Variants in GULP1 observed in about 807,000 individuals in gnomAD.
The protein encoded by GULP1 is PTB domain-containing engulfment adapter protein 1.
GULP1 carries 19 observed loss-of-function variants against 40.9 expected under a neutral mutation model. That is an observed-to-expected ratio of 0.46 (90% confidence interval 0.32 to 0.68). The LOEUF (loss-of-function observed/expected upper bound fraction) is 0.68, where lower values mean the gene tolerates loss of function less well. Among genes scored for constraint, GULP1 ranks in the 30% least tolerant of loss-of-function variants. The probability of loss-of-function intolerance (pLI) is 0.03; values close to 1 mark genes in which losing one functional copy is unlikely to be tolerated. For missense variants in GULP1, 312 were observed against 362.2 expected, an observed-to-expected ratio of 0.86 and a Z score of 1.12; for synonymous variants, 119 against 117.6, an observed-to-expected ratio of 1.01 and a Z score of -0.08.
At chr2:188,525,333 G>T (rs973724508) in intron 5 of GULP1, among the ~76,000 whole-genome samples, 10 of 152,086 alleles carry the variant, frequency 6.6e-5, no homozygotes, top group Admixed American at 1.3e-4. Context: ...AGGGGTTGCA[G>T]TGAGCCGCGA....
At chr2:188,515,186 G>C (rs1481936330) in intron 4 of GULP1, among the ~76,000 whole-genome samples, 2 of 151,854 alleles carry the variant, frequency 1.3e-5, no homozygotes, top group Non-Finnish European at 2.9e-5. Context: ...GTGACATCTT[G>C]TAATTTTATT....
chr2:188,482,973 A>G (rs536065329), intron 3 of GULP1, among the ~76,000 whole-genome samples: 1 of 151,952 alleles, frequency 6.6e-6, no homozygotes, highest in South Asian at 2.1e-4. Flanking sequence ...TAATATGATA[A>G]TTTCCCTTTA....
intron 4 of GULP1, among the ~76,000 whole-genome samples, chr2:188,520,500 A>T (rs1379346774): frequency 1.3e-5 from 2 of 150,514 alleles, no homozygotes; most frequent in Admixed American, 6.6e-5. Flanking sequence ...ACTGCACTCC[A>T]GCCTGGAAAC....
chr2:188,297,874 G>A (rs773436608), intron 1 of GULP1, among the ~76,000 whole-genome samples: 1 of 152,028 alleles, frequency 6.6e-6, no homozygotes, highest in Admixed American at 6.5e-5. Flanking sequence ...GCAAATTTGG[G>A]ATAAAAAATT....
intron 2 of GULP1, among the ~76,000 whole-genome samples, chr2:188,464,093 A>G (rs542299021): frequency 1.3e-5 from 2 of 152,202 alleles, no homozygotes; most frequent in East Asian, 3.9e-4. Context: ...GTGTCTGGCC[A>G]TTGAAGAGTT....
At chr2:188,311,126 T>C (rs1460118841) in intron 1 of GULP1, among the ~76,000 whole-genome samples, 1 of 152,198 alleles carries the variant, frequency 6.6e-6, no homozygotes, top group Admixed American at 6.5e-5. Flanking sequence ...TAAAGAATTA[T>C]GGGCCTCCAA....
At chr2:188,512,788 G>A (rs1356116525) in intron 4 of GULP1, among the ~76,000 whole-genome samples, 1 of 152,074 alleles carries the variant, frequency 6.6e-6, no homozygotes, top group Non-Finnish European at 1.5e-5. Flanking sequence ...ATAGAATACA[G>A]TGAAAGAATG....
At chr2:188,327,342 G>C (rs2040896868) in intron 1 of GULP1, among the ~76,000 whole-genome samples, 1 of 152,128 alleles carries the variant, frequency 6.6e-6, no homozygotes, top group African/African-American at 2.4e-5. Context: ...GATGGACAAG[G>C]CTCTGCTCTG....
intron 2 of GULP1, among the ~76,000 whole-genome samples, chr2:188,450,164 T>C (rs1023388582): frequency 6.6e-6 from 1 of 152,186 alleles, no homozygotes; most frequent in African/African-American, 2.4e-5. Flanking sequence ...TTTAGTGATC[T>C]TGTGCTATAT....
At chr2:188,465,288 G>C (rs1392710857) in intron 2 of GULP1, among the ~76,000 whole-genome samples, 1 of 152,042 alleles carries the variant, frequency 6.6e-6, no homozygotes, top group Admixed American at 6.6e-5. Flanking sequence ...GGTACATGGT[G>C]TTTCTAGAAA....
At chr2:188,386,976 G>T (rs1347378313) in intron 2 of GULP1, among the ~76,000 whole-genome samples, 1 of 152,108 alleles carries the variant, frequency 6.6e-6, no homozygotes, top group Non-Finnish European at 1.5e-5. Context: ...GGTGGCTCAT[G>T]CCTGTAATCC....
chr2:188,481,092 C>T (rs999568478), intron 3 of GULP1, among the ~76,000 whole-genome samples: 1 of 151,906 alleles, frequency 6.6e-6, no homozygotes, highest in Non-Finnish European at 1.5e-5. Flanking sequence ...AATCAGAGTA[C>T]ATTGATATTT....
chr2:188,431,530 AAAAGT>A (rs1267595578), intron 2 of GULP1, among the ~76,000 whole-genome samples: 1 of 152,200 alleles, frequency 6.6e-6, no homozygotes, highest in Non-Finnish European at 1.5e-5. Context: ...GAGTAATTGT[AAAAGT>A]AAAGAAATCT....
intron 1 of GULP1, among the ~76,000 whole-genome samples, chr2:188,298,689 C>T (rs968839512): frequency 1.3e-5 from 2 of 152,248 alleles, no homozygotes; most frequent in South Asian, 2.1e-4. Context: ...GGAAGAACTA[C>T]TAAATTTGTA....
chr2:188,447,232 G>A (rs2058468986), intron 2 of GULP1, among the ~76,000 whole-genome samples: 1 of 152,120 alleles, frequency 6.6e-6, no homozygotes, highest in African/African-American at 2.4e-5. Context: ...CCATGTAACA[G>A]GCTTCAGAAA....
At chr2:188,363,672 A>G (rs774733330) in intron 1 of GULP1, among the ~76,000 whole-genome samples, 6 of 152,120 alleles carry the variant, frequency 3.9e-5, no homozygotes, top group African/African-American at 4.8e-5. Context: ...TGAAAGCAAA[A>G]TATTAGGTCG....
At chr2:188,356,735 T>A (rs996215077) in intron 1 of GULP1, among the ~76,000 whole-genome samples, 2 of 151,854 alleles carry the variant, frequency 1.3e-5, no homozygotes, top group Non-Finnish European at 2.9e-5. Context: ...GCTAAAACAA[T>A]CCTAAGCAAA....
chr2:188,470,276 A>G (rs1234921757), intron 2 of GULP1, among the ~76,000 whole-genome samples: 1 of 152,060 alleles, frequency 6.6e-6, no homozygotes, highest in Admixed American at 6.6e-5. Context: ...TCCTGGTTCA[A>G]TCGTGATACA....
At chr2:188,541,589 G>A in intron 7 of GULP1, 1 of 551,598 alleles carries the variant, frequency 1.8e-6, no homozygotes, top group African/African-American at 1.9e-5. Flanking sequence ...TGTTATGCAT[G>A]TATTTTATAA....
Sources: gnomAD v4.1 joint callset for allele counts (sites outside exome capture counted in the v4.1 genomes callset) on GRCh38, gnomAD v4.1.1 for gene constraint, MANE v1.5 for transcripts, NCBI Gene and HGNC (gene_info 2026-07-23, HGNC 2026-07-21) for gene names.